RORB: variants seen among roughly 807,000 people sequenced by gnomAD.
RORB encodes the protein RAR related orphan receptor B.
RORB carries 6 observed loss-of-function variants against 59.1 expected under a neutral mutation model. The ratio of observed to expected loss-of-function variants is 0.10; its 90% confidence interval spans 0.06 to 0.20. RORB has a LOEUF of 0.20. Among genes scored for constraint, RORB ranks in the 10% least tolerant of loss-of-function variants. RORB has a pLI of 1.00. For missense variants in RORB, 320 were observed against 560.5 expected (o/e 0.57, Z 4.33); for synonymous variants, 215 against 204.5 (o/e 1.05, Z -0.44).
chr9:74,524,378 T>C (rs1037057935), intron 1 of RORB, among the ~76,000 whole-genome samples: 25 of 151,908 alleles, frequency 1.6e-4, no homozygotes, highest in African/African-American at 4.1e-4. Context: ...GAGTGATTGA[T>C]ACTACAGCAG....
chr9:74,547,866 T>A (rs891916497), intron 1 of RORB, among the ~76,000 whole-genome samples: 1 of 152,178 alleles, frequency 6.6e-6, no homozygotes. Flanking sequence ...ATCTGACATG[T>A]TTTTTAAAAA....
intron 8 of RORB, among the ~76,000 whole-genome samples, chr9:74,671,414 T>C (rs945755879): frequency 3.3e-5 from 5 of 152,170 alleles, no homozygotes; most frequent in African/African-American, 1.2e-4. Context: ...CCAAAAATAT[T>C]CCTGTGATTT....
chr9:74,593,693 G>A (rs1822933767), intron 1 of RORB, among the ~76,000 whole-genome samples: 1 of 152,106 alleles, frequency 6.6e-6, no homozygotes, highest in Admixed American at 6.6e-5. Flanking sequence ...TGGAGTCAAT[G>A]GAAAAGAAGG....
At chr9:74,601,870 A>G (rs1332595923) in intron 1 of RORB, among the ~76,000 whole-genome samples, 1 of 152,190 alleles carries the variant, frequency 6.6e-6, no homozygotes, top group Non-Finnish European at 1.5e-5. Flanking sequence ...TCACTCACCC[A>G]CTAGAAGAGA....
chr9:74,634,353 A>G (rs564074522), intron 2 of RORB, among the ~76,000 whole-genome samples: 14 of 152,314 alleles, frequency 9.2e-5, no homozygotes, highest in African/African-American at 3.1e-4. Flanking sequence ...TTATTTCTGC[A>G]TAGAACAGCA....
At chr9:74,561,176 G>A (rs1822392120) in intron 1 of RORB, among the ~76,000 whole-genome samples, 1 of 152,026 alleles carries the variant, frequency 6.6e-6, no homozygotes, top group Non-Finnish European at 1.5e-5. Context: ...AACTTCCTGA[G>A]AGGTCTTCAT....
At chr9:74,558,077 T>C (rs1822335512) in intron 1 of RORB, among the ~76,000 whole-genome samples, 1 of 152,208 alleles carries the variant, frequency 6.6e-6, no homozygotes, top group Non-Finnish European at 1.5e-5. Flanking sequence ...ATATGCTTCA[T>C]TATGTATATA....
intron 3 of RORB, 91 bp from the exon 4 acceptor site, chr9:74,642,323 A>AG: frequency 1.5e-6 from 2 of 1,296,336 alleles, no homozygotes; most frequent in Non-Finnish European, 2.1e-6. Flanking sequence ...TTGAAGTTGA[A>AG]GGGACAACCA....
chr9:74,512,030 C>T (rs1262411019), intron 1 of RORB, among the ~76,000 whole-genome samples: 3 of 151,870 alleles, frequency 2.0e-5, no homozygotes, highest in Non-Finnish European at 4.4e-5. Context: ...AAACTTTTTC[C>T]ATCATTGAGA....
chr9:74,624,661 A>G (rs569754399), intron 1 of RORB, among the ~76,000 whole-genome samples: 89 of 152,352 alleles, frequency 5.8e-4, no homozygotes, highest in African/African-American at 2.1e-3. Flanking sequence ...TTTGTACCTA[A>G]TAGAGATAGA....
intron 1 of RORB, among the ~76,000 whole-genome samples, chr9:74,501,641 T>C (rs1189527992): frequency 6.6e-6 from 1 of 152,210 alleles, no homozygotes; most frequent in South Asian, 2.1e-4. Context: ...AAATAATATA[T>C]AGCCATAAGA....
intron 2 of RORB, among the ~76,000 whole-genome samples, chr9:74,630,640 A>C (rs1301232177): frequency 6.6e-6 from 1 of 152,018 alleles, no homozygotes; most frequent in Non-Finnish European, 1.5e-5. Context: ...ACAAACACTG[A>C]CTCTTGCTGT....
intron 1 of RORB, among the ~76,000 whole-genome samples, chr9:74,589,328 AT>A (rs1822852789): frequency 6.6e-6 from 1 of 152,290 alleles, no homozygotes; most frequent in Admixed American, 6.5e-5. Context: ...TATTTCTTCC[AT>A]TCCCGAAATA....
At chr9:74,615,801 C>T (rs1307347469) in intron 1 of RORB, among the ~76,000 whole-genome samples, 1 of 152,140 alleles carries the variant, frequency 6.6e-6, no homozygotes, top group Non-Finnish European at 1.5e-5. Flanking sequence ...TAAAACAAGT[C>T]ACTCAGGCTT....
At chr9:74,500,947 C>G (rs773497214) in intron 1 of RORB, among the ~76,000 whole-genome samples, 4 of 152,004 alleles carry the variant, frequency 2.6e-5, no homozygotes, top group Non-Finnish European at 5.9e-5. Context: ...GAGGCTTCTC[C>G]GTAGATTTCA....
chr9:74,623,432 T>C (rs1314256361), intron 1 of RORB, among the ~76,000 whole-genome samples: 2 of 95,996 alleles, frequency 2.1e-5, no homozygotes, highest in Non-Finnish European at 4.2e-5. Flanking sequence ...TGGCCAGAGT[T>C]TTCTCTCTCT....
chr9:74,601,993 C>T (rs1208986511), intron 1 of RORB, among the ~76,000 whole-genome samples: 6 of 152,180 alleles, frequency 3.9e-5, no homozygotes, highest in African/African-American at 1.4e-4. Context: ...GTCAGCAGAA[C>T]GGTGTGCTGG....
intron 1 of RORB, among the ~76,000 whole-genome samples, chr9:74,593,471 A>T (rs1822930267): frequency 6.6e-6 from 1 of 151,814 alleles, no homozygotes; most frequent in Middle Eastern, 3.4e-3. Flanking sequence ...CCATCTAAAA[A>T]AAAAAAAAAA....
rs190124664 is a variant in RORB at position 74,659,527 on chromosome 9, G to C, written c.638-1090G>C. Among the ~76,000 whole-genome samples the C allele has an allele frequency of 2.6e-5, 4 of 152,204 alleles. No individual in the cohort carries two copies. The East Asian group carries it at 7.7e-4, about 29-fold the overall frequency. Reference sequence around the variant, plus strand: ...TTGCTTCGTTTTGTTTTGTTTTTGAGATGGAGTCTCGCTCTGTCGCCCAGA... The same window carrying C: ...TTGCTTCGTTTTGTTTTGTTTTTGACATGGAGTCTCGCTCTGTCGCCCAGA... On this transcript the variant is annotated intron_variant, in intron 4 of 9. Transcript: ENST00000376896.
Sources: gnomAD v4.1 joint callset for allele counts (sites outside exome capture counted in the v4.1 genomes callset) on GRCh38, gnomAD v4.1.1 for gene constraint, MANE v1.5 for transcripts, NCBI Gene and HGNC (gene_info 2026-07-23, HGNC 2026-07-21) for gene names.